The following PTPRN2 variants were observed in gnomAD, a reference collection of about 807,000 sequenced individuals.
PTPRN2 encodes protein tyrosine phosphatase receptor type N2, also known as receptor-type tyrosine-protein phosphatase N2.
Under a neutral mutation model 118.8 loss-of-function variants are expected in PTPRN2, and 74 were observed. That is an observed-to-expected ratio of 0.62 (90% CI 0.52 to 0.76). The LOEUF (loss-of-function observed/expected upper bound fraction) is 0.76, where lower values mean the gene tolerates loss of function less well. Among genes scored for constraint, PTPRN2 ranks in the 30% least tolerant of loss-of-function variants. The pLI, the probability that PTPRN2 is intolerant of heterozygous loss-of-function variation, is 0.00. For missense variants in PTPRN2, 1,481 were observed against 1,394.4 expected (o/e 1.06, Z -0.99); for synonymous variants, 641 against 608.0 (o/e 1.05, Z -0.80).
At chr7:158,379,159 C>A (rs1198334614) in intron 2 of PTPRN2, among the ~76,000 whole-genome samples, 1 of 152,090 alleles carries the variant, frequency 6.6e-6, no homozygotes. Flanking sequence ...CATAGGCTGC[C>A]CCCTAGAGCA....
At chr7:158,338,006 G>GAC (rs1209020555) in intron 2 of PTPRN2, among the ~76,000 whole-genome samples, 3 of 34,152 alleles carry the variant, frequency 8.8e-5, no homozygotes, top group Non-Finnish European at 1.3e-4. Context: ...CACCATAATT[G>GAC]GTGACACCTG....
rs531166733 is a variant in PTPRN2, at chr7:157,987,624, G to A, written c.1724-88887C>T. Reference sequence around the variant, plus strand: ...AATAGCTGGAGGAAGCGGCCTGCTGGTTTTGTTCACACTGGGTGAACAGTT... The same window carrying A: ...AATAGCTGGAGGAAGCGGCCTGCTGATTTTGTTCACACTGGGTGAACAGTT... On this transcript the variant is annotated intron_variant, in intron 11 of 22. Transcript: ENST00000389418. This position sits in a 1 kb window ranked among gnomAD's most constrained non-coding sequence, Gnocchi z 4.3. 2.4e-4 allele frequency among the ~76,000 whole-genome samples: 36 copies of A among 152,276 alleles called. No homozygotes were observed. The highest frequency in any genetic ancestry group is 8.4e-4 in the African/African-American group (35 of 41,558).
intron 5 of PTPRN2, among the ~76,000 whole-genome samples, chr7:158,185,007 A>G (rs1825023952): frequency 6.6e-6 from 1 of 152,212 alleles, no homozygotes; most frequent in South Asian, 2.1e-4. Context: ...TACTGAGACC[A>G]TCACATGGTC....
At chr7:157,655,361 C>A (rs1806003590) in intron 14 of PTPRN2, among the ~76,000 whole-genome samples, 6 of 152,228 alleles carry the variant, frequency 3.9e-5, no homozygotes. Flanking sequence ...GGCCGGGAGG[C>A]CTCCAGCCTT....
At chr7:158,505,464 C>G (rs956598409) in intron 1 of PTPRN2, among the ~76,000 whole-genome samples, 2 of 152,310 alleles carry the variant, frequency 1.3e-5, no homozygotes, top group African/African-American at 4.8e-5. Context: ...AATGGAACAC[C>G]TGTGTGGTGT....
Position 158,145,148 on chromosome 7 carries a change from C to T in PTPRN2, c.911-6633G>A, listed in dbSNP as rs368354966. Among the ~76,000 whole-genome samples, 944 of 145,992 alleles carry T rather than the reference C, an allele frequency of 6.5e-3. 8 individuals carry two copies. The highest frequency in any genetic ancestry group is 0.018 in the Middle Eastern group (5 of 276). On this transcript the variant is annotated intron_variant, in intron 6 of 22. Transcript: ENST00000389418. The stretch of plus-strand genomic sequence containing the variant: ...GAGAAGGTTCCAGAATACCACGGCT[C>T]GGCAAGACTTCCCTCACATCATCGT...
At chr7:157,857,449 C>T (rs1015152636) in intron 12 of PTPRN2, 1 of 152,306 alleles carries the variant, frequency 6.6e-6, no homozygotes, top group African/African-American at 2.4e-5. Context: ...GTCCTCTCCT[C>T]TGTGTGGCAG....
chr7:158,324,367 G>T (rs937927088), intron 2 of PTPRN2, among the ~76,000 whole-genome samples: 1 of 152,206 alleles, frequency 6.6e-6, no homozygotes, highest in Non-Finnish European at 1.5e-5. Context: ...TTGTCTAAAA[G>T]AAAATGGAGA....
At chr7:158,273,971 AGGAGCCGCAGACACAG>A (rs1477068640) in intron 3 of PTPRN2, among the ~76,000 whole-genome samples, 1,909 of 101,954 alleles carry the variant, frequency 0.019, 104 homozygotes, top group Middle Eastern at 0.028. Flanking sequence ...CAGACATGGG[AGGAGCCGCAGACACAG>A]GGAGCCGCAG....
Position 158,071,384 on chromosome 7 carries a change from C to T in PTPRN2, c.1723+9914G>A, listed in dbSNP as rs973556414. 3.8e-3 allele frequency among the ~76,000 whole-genome samples: 106 copies of T among 27,898 alleles called. 1 individual carries two copies. The highest frequency in any genetic ancestry group is 5.8e-3 in the Non-Finnish European group (88 of 15,084). 18.3% of individuals were successfully genotyped at this position (27,898 alleles called of 152,430 possible). ...AGGTGCTCATGGTGGTGGAGGTGCT[C>T]GTGGTGGAGGTGCTCGTGGTGGAGT... On this transcript the variant is annotated intron_variant, in intron 11 of 22. Transcript: ENST00000389418.
At chr7:157,772,188 GACAC>G (rs1026414940) in intron 12 of PTPRN2, among the ~76,000 whole-genome samples, 2 of 141,274 alleles carry the variant, frequency 1.4e-5, no homozygotes, top group South Asian at 2.3e-4. Flanking sequence ...CACAGACACA[GACAC>G]ACATACATAC....
chr7:157,986,142 T>C lies in PTPRN2; in HGVS notation c.1724-87405A>G, dbSNP rs191606873. ...TGCTCAGTGAGGCAATAGCATGAGA[T>C]AGATACCCTCATCTACAGCCCCGCT... On this transcript the variant is annotated intron_variant, in intron 11 of 22. Transcript: ENST00000389418. The surrounding 1 kb of genome is among the most constrained non-coding windows in gnomAD (Gnocchi z 4.5). Among the ~76,000 whole-genome samples, 2 of 152,246 alleles carry C rather than the reference T, an allele frequency of 1.3e-5. No homozygotes were observed.
At chr7:158,380,483 T>C (rs1395878201) in intron 2 of PTPRN2, among the ~76,000 whole-genome samples, 1 of 152,210 alleles carries the variant, frequency 6.6e-6, no homozygotes, top group Non-Finnish European at 1.5e-5. Flanking sequence ...GTCAAACATC[T>C]GGGTCATGGT....
intron 12 of PTPRN2, among the ~76,000 whole-genome samples, chr7:157,807,205 G>C (rs1169623900): frequency 6.6e-6 from 1 of 152,192 alleles, no homozygotes; most frequent in Non-Finnish European, 1.5e-5. Context: ...CACAACAATG[G>C]GGTTTGTCAG....
chr7:157,597,554 C>T (rs569017817), intron 16 of PTPRN2, among the ~76,000 whole-genome samples: 2 of 152,086 alleles, frequency 1.3e-5, no homozygotes, highest in Admixed American at 6.5e-5. Flanking sequence ...CAAACTAGCA[C>T]ATTTAGTTGC....
intron 7 of PTPRN2, among the ~76,000 whole-genome samples, chr7:158,137,596 A>C (rs746039502): frequency 4.6e-5 from 7 of 151,802 alleles, no homozygotes; most frequent in Admixed American, 1.3e-4. Context: ...ACCACCTAAC[A>C]CAGGCCCTCC....
At chr7:158,285,101 G>C (rs1043360453) in intron 3 of PTPRN2, among the ~76,000 whole-genome samples, 20 of 152,304 alleles carry the variant, frequency 1.3e-4, no homozygotes, top group African/African-American at 4.8e-4. Flanking sequence ...CATCTGTCTT[G>C]CTGTTGCTCT....
intron 9 of PTPRN2, among the ~76,000 whole-genome samples, chr7:158,123,334 A>G (rs1817328695): frequency 6.6e-6 from 1 of 152,222 alleles, no homozygotes; most frequent in South Asian, 2.1e-4. Flanking sequence ...TGCCCTGACC[A>G]ACGCGTGGTG....
rs571848652 is a variant in PTPRN2, at chr7:158,188,688, G to A, written c.549+3639C>T. Among the ~76,000 whole-genome samples, 5 of 148,036 alleles carry A rather than the reference G, an allele frequency of 3.4e-5. No individual in the cohort carries two copies. The South Asian group carries it at 1.1e-3, about 32-fold the overall frequency. ...GCCGCCACGCTCGCCCCCTGTACTG[G>A]AAAGGCCGCCACGCCCGCCCCCTGT... is the stretch of plus-strand genomic sequence containing the variant. On this transcript the variant is annotated intron_variant, in intron 5 of 22. Coordinates refer to ENST00000389418, the MANE Select transcript of PTPRN2 (RefSeq NM_002847.5).
Sources: allele counts gnomAD v4.1 joint callset (sites outside exome capture counted in the v4.1 genomes callset), GRCh38; gene constraint gnomAD v4.1.1; non-coding constraint Gnocchi (gnomAD v3.1); transcripts MANE v1.5; gene names NCBI Gene and HGNC (gene_info 2026-07-23, HGNC 2026-07-21).